Variants in COL4A5 observed in about 807,000 individuals in gnomAD.
The protein encoded by COL4A5 is collagen type IV alpha 5 chain, also known as collagen alpha-5(IV) chain.
A neutral mutation model predicts 130.2 loss-of-function variants in COL4A5; 26 were observed. The ratio of observed to expected loss-of-function variants is 0.20; its 90% CI spans 0.15 to 0.28. The LOEUF (loss-of-function observed/expected upper bound fraction) is 0.28. Ranked by LOEUF, COL4A5 falls within the 10% of genes least tolerant of loss-of-function variation. The pLI, the probability that COL4A5 is intolerant of heterozygous loss-of-function variation, is 1.00. For synonymous variants in COL4A5, 496 were observed against 439.6 expected, an observed-to-expected ratio of 1.13 and a Z score of -1.60; for missense variants, 1,131 against 1,344.3, an observed-to-expected ratio of 0.84 and a Z score of 2.48.
rs1361447586 is a variant in COL4A5, at chrX:108,666,584, G to C, written c.3543G>C (p.Lys1181Asn). 8.4e-7 allele frequency: 1 copy of C among 1,197,357 alleles called. No homozygotes were observed. The highest frequency in any genetic ancestry group is 1.1e-6 in the Non-Finnish European group (1 of 885,444). ...GTATTCCTGGACCAGCTGGACAGAA[G>C]GGTGAACCAGGTGCTGTAGTTTTTC... ...QDGIPGPAGQ[K>N]GEPGQPGFGN... is the part of the protein sequence containing the mutation. Residue 1181 changes from lysine to asparagine, a missense_variant, in exon 39 of 53, where the codon AAG (lysine) becomes AAC (asparagine). Lys to Asn is a moderately conservative substitution (Grantham distance 94). Coordinates refer to ENST00000328300, the MANE Select transcript of COL4A5 (RefSeq NM_033380.3).
intron 9 of COL4A5, among the ~76,000 whole-genome samples, chrX:108,574,431 A>G (rs1473713498): frequency 8.9e-6 from 1 of 111,914 alleles, no homozygotes; most frequent in Non-Finnish European, 1.9e-5. Context: ...GTTATGAAGC[A>G]TAACTATAAA....
intron 30 of COL4A5, among the ~76,000 whole-genome samples, chrX:108,619,271 A>G (rs1316533444): frequency 9.0e-6 from 1 of 111,680 alleles, no homozygotes; most frequent in African/African-American, 3.3e-5. Context: ...CTCTACAAAA[A>G]TAATCACCAC....
intron 26 of COL4A5, 126 bp from the exon 27 acceptor site, chrX:108,601,759 G>T: frequency 2.0e-6 from 1 of 506,945 alleles, no homozygotes; most frequent in Non-Finnish European, 3.5e-6. Context: ...TCGAACTCCT[G>T]ACCTCAGGTG....
intron 36 of COL4A5, among the ~76,000 whole-genome samples, chrX:108,633,678 A>G (rs929012064): frequency 9.0e-5 from 10 of 111,395 alleles, no homozygotes; most frequent in African/African-American, 1.3e-4. Flanking sequence ...TCTACAAGCA[A>G]GAGGTTAGCT....
In COL4A5 at chrX:108,446,363, A is replaced by G. The variant is rs183960896; in HGVS notation, c.81+6157A>G. Among the ~76,000 whole-genome samples the G allele has an allele frequency of 8.9e-5, 10 of 112,106 alleles. No individual in the cohort carries two copies. In the East Asian group the frequency reaches 2.8e-3, roughly 31 times the overall value. Reference sequence around the variant, plus strand: ...TTTGTAGAGTATATTTTAAAATGTCAAGATTTGTTAGCCATCGTAAGAAGT... The same window carrying G: ...TTTGTAGAGTATATTTTAAAATGTCGAGATTTGTTAGCCATCGTAAGAAGT... On this transcript the variant is annotated intron_variant, in intron 1 of 52. Transcript: ENST00000328300.
intron 13 of COL4A5, among the ~76,000 whole-genome samples, chrX:108,580,250 T>G (rs187991174): frequency 1.8e-5 from 2 of 111,598 alleles, no homozygotes; most frequent in Admixed American, 1.9e-4. Context: ...ATTACCTGCC[T>G]CCCTCTACTC....
chrX:108,689,705 C>T (rs1277095828), intron 49 of COL4A5: 8 of 751,944 alleles, frequency 1.1e-5, no homozygotes, highest in South Asian at 6.8e-5. Flanking sequence ...ACCTCCTGAT[C>T]GAATAAATGC....
chrX:108,662,689 A>T (rs1345329699), intron 37 of COL4A5, among the ~76,000 whole-genome samples: 1 of 112,057 alleles, frequency 8.9e-6, no homozygotes, highest in East Asian at 2.8e-4. Flanking sequence ...GGGAACTACA[A>T]ACCATTCCTC....
At position 108,667,311 on chromosome X, in the gene COL4A5, A is replaced by T. The variant is rs1032989402; in HGVS notation, c.3604+128A>T. The stretch of plus-strand genomic sequence containing the variant: ...GTAAGAACCCAGAAAACTCAAACCT[A>T]GTGTTAACGTTAAAACATTTATTAT... On this transcript the variant is annotated intron_variant, in intron 40 of 52. Coordinates refer to ENST00000328300, the MANE Select transcript of COL4A5 (RefSeq NM_033380.3). 16 of 574,762 alleles carry T rather than the reference A, an allele frequency of 2.8e-5. No individual in the cohort carries two copies. The African/African-American group carries it at 3.7e-4, about 13-fold the overall frequency. The allele number at this position is 574,762 out of a possible 1,213,427, so 47.4% of individuals were successfully genotyped here.
chrX:108,492,030 A>T (rs1201395291), intron 1 of COL4A5, among the ~76,000 whole-genome samples: 5 of 111,628 alleles, frequency 4.5e-5, no homozygotes, highest in African/African-American at 1.6e-4. Flanking sequence ...GGAGAATTAG[A>T]GCTTTGAAAA....
At chrX:108,648,665 A>G (rs774986982) in intron 36 of COL4A5, among the ~76,000 whole-genome samples, 1 of 112,120 alleles carries the variant, frequency 8.9e-6, no homozygotes, top group Non-Finnish European at 1.9e-5. Context: ...AGATGCAGAA[A>G]AAAAACATTC....
At chrX:108,448,911 A>G (rs780289991) in intron 1 of COL4A5, among the ~76,000 whole-genome samples, 8 of 111,692 alleles carry the variant, frequency 7.2e-5, no homozygotes, top group Non-Finnish European at 1.5e-4. Flanking sequence ...CATACTCTCA[A>G]GATGGCTGCT....
chrX:108,476,500 T>C (rs1487718392), intron 1 of COL4A5, among the ~76,000 whole-genome samples: 2 of 104,783 alleles, frequency 1.9e-5, no homozygotes, highest in Non-Finnish European at 3.9e-5. Context: ...TATCAAATAC[T>C]AGGCATTTTC....
At chrX:108,625,335 C>T (rs28544487) in intron 34 of COL4A5, among the ~76,000 whole-genome samples, 11,610 of 111,420 alleles carry the variant, frequency 0.1, 1,301 homozygotes, top group African/African-American at 0.34. Flanking sequence ...AGAAGCCCAT[C>T]TCTGAATCTT....
At chrX:108,616,145 A>G (rs1411833052) in intron 30 of COL4A5, among the ~76,000 whole-genome samples, 2 of 111,683 alleles carry the variant, frequency 1.8e-5, no homozygotes, top group Non-Finnish European at 3.8e-5. Flanking sequence ...TTATGGAAAA[A>G]ACATTCTGTC....
At chrX:108,544,514 T>C (rs2065610861) in intron 2 of COL4A5, among the ~76,000 whole-genome samples, 1 of 112,064 alleles carries the variant, frequency 8.9e-6, no homozygotes, top group Admixed American at 9.4e-5. Flanking sequence ...AGTTTGCCAG[T>C]ATTTTATTGA....
intron 19 of COL4A5, among the ~76,000 whole-genome samples, chrX:108,588,782 G>A (rs781089016): frequency 9.0e-6 from 1 of 111,319 alleles, no homozygotes; most frequent in African/African-American, 3.3e-5. Context: ...AGAACAAAAG[G>A]CCAATCACCT....
intron 1 of COL4A5, among the ~76,000 whole-genome samples, chrX:108,534,576 G>A (rs889775071): frequency 1.8e-5 from 2 of 111,115 alleles, no homozygotes; most frequent in Non-Finnish European, 3.8e-5. Flanking sequence ...AGAGAACAGA[G>A]ACTGGGAAGG....
chrX:108,688,090 A>T (rs1322575662), intron 49 of COL4A5, among the ~76,000 whole-genome samples: 2 of 112,091 alleles, frequency 1.8e-5, no homozygotes, highest in Admixed American at 1.9e-4. Context: ...CATCAAGTTC[A>T]TAAGTTCTGA....
Sources: gnomAD v4.1 joint callset for allele counts (sites outside exome capture counted in the v4.1 genomes callset) on GRCh38, gnomAD v4.1.1 for gene constraint, MANE v1.5 for transcripts, NCBI Gene and HGNC (gene_info 2026-07-23, HGNC 2026-07-21) for gene names.